PTPRM: variants seen among roughly 807,000 people sequenced by gnomAD.
PTPRM encodes protein tyrosine phosphatase receptor type M, also known as receptor-type tyrosine-protein phosphatase mu.
Under a neutral mutation model 186.7 loss-of-function variants are expected in PTPRM, and 47 were observed. That is an observed-to-expected ratio of 0.25 (90% CI 0.20 to 0.32). PTPRM has a LOEUF of 0.32. Ranked by LOEUF, PTPRM falls within the 10% of genes least tolerant of loss-of-function variation. The pLI is 1.00. For missense variants in PTPRM, 1,494 were observed against 1,865.0 expected (o/e 0.80, Z 3.66); for synonymous variants, 668 against 674.9 (o/e 0.99, Z 0.16).
At chr18:7,591,117 T>G (rs1391458377) in intron 1 of PTPRM, among the ~76,000 whole-genome samples, 1 of 152,242 alleles carries the variant, frequency 6.6e-6, no homozygotes, top group Non-Finnish European at 1.5e-5. Flanking sequence ...TTCTTTGCTT[T>G]CTATGTGTAA....
At chr18:7,718,174 G>C (rs1170023350) in intron 1 of PTPRM, among the ~76,000 whole-genome samples, 1 of 152,076 alleles carries the variant, frequency 6.6e-6, no homozygotes, top group Non-Finnish European at 1.5e-5. Context: ...TATACTACAA[G>C]TCTCTAGTTA....
chr18:8,049,175 G>T (rs1229248358), intron 7 of PTPRM, among the ~76,000 whole-genome samples: 1 of 152,208 alleles, frequency 6.6e-6, no homozygotes, highest in Non-Finnish European at 1.5e-5. Flanking sequence ...TCTATAGGAT[G>T]AATTGCAGCC....
intron 1 of PTPRM, among the ~76,000 whole-genome samples, chr18:7,756,832 A>G (rs2041516380): frequency 6.6e-6 from 1 of 151,802 alleles, no homozygotes; most frequent in Admixed American, 6.6e-5. Context: ...TAAAGGGGGG[A>G]CAACGTTTTT....
chr18:7,653,581 C>T (rs1410218434), intron 1 of PTPRM, among the ~76,000 whole-genome samples: 3 of 152,082 alleles, frequency 2.0e-5, no homozygotes, highest in Non-Finnish European at 4.4e-5. Flanking sequence ...ACTTGGTTTT[C>T]TGTTCCTGTG....
At chr18:7,976,490 T>A (rs1282539476) in intron 7 of PTPRM, among the ~76,000 whole-genome samples, 2 of 152,222 alleles carry the variant, frequency 1.3e-5, no homozygotes, top group African/African-American at 4.8e-5. Context: ...GTACGATGTG[T>A]TGATAATGTG....
At chr18:7,727,616 C>T (rs188000210) in intron 1 of PTPRM, among the ~76,000 whole-genome samples, 2 of 152,234 alleles carry the variant, frequency 1.3e-5, no homozygotes, top group African/African-American at 4.8e-5. Context: ...AGCTGTTTTG[C>T]AGACATAAAA....
At chr18:7,788,726 C>T (rs914265914) in intron 2 of PTPRM, among the ~76,000 whole-genome samples, 2 of 152,160 alleles carry the variant, frequency 1.3e-5, no homozygotes, top group Non-Finnish European at 2.9e-5. Flanking sequence ...ATCAATAGCC[C>T]AATTCTGTAA....
chr18:7,787,591 G>A (rs538606781), intron 2 of PTPRM, among the ~76,000 whole-genome samples: 2 of 152,306 alleles, frequency 1.3e-5, no homozygotes, highest in East Asian at 3.9e-4. Context: ...TAGCCCAGAT[G>A]CCTGAGTGAG....
At position 8,205,743 on chromosome 18, in the gene PTPRM, G is replaced by A. The variant is rs528022231; in HGVS notation, c.2301-38315G>A. 2.0e-5 allele frequency among the ~76,000 whole-genome samples: 3 copies of A among 152,120 alleles called. No individual in the cohort carries two copies. The South Asian group carries it at 6.2e-4, about 32-fold the overall frequency. ...TCATCTCAGGACATAGTGTCAGATT[G>A]TACTATGTAATATAAAATAATCTTA... is the stretch of plus-strand genomic sequence containing the variant. On this transcript the variant is annotated intron_variant, in intron 14 of 32. Coordinates refer to ENST00000580170, the MANE Select transcript of PTPRM (RefSeq NM_001105244.2).
chr18:8,323,166 A>G (rs2095356071), intron 22 of PTPRM, among the ~76,000 whole-genome samples: 1 of 152,168 alleles, frequency 6.6e-6, no homozygotes, highest in Non-Finnish European at 1.5e-5. Context: ...CTCAAGAGTC[A>G]GATAACTCAG....
intron 11 of PTPRM, among the ~76,000 whole-genome samples, chr18:8,102,292 G>T (rs1005557579): frequency 6.6e-6 from 1 of 152,150 alleles, no homozygotes; most frequent in Non-Finnish European, 1.5e-5. Context: ...AATGAAATTT[G>T]CCACATCAGT....
intron 1 of PTPRM, among the ~76,000 whole-genome samples, chr18:7,735,293 G>A (rs147239188): frequency 3.9e-5 from 6 of 152,154 alleles, no homozygotes; most frequent in African/African-American, 9.6e-5. Context: ...GGTGGGCGGC[G>A]CCTGTAATCC....
intron 14 of PTPRM, among the ~76,000 whole-genome samples, chr18:8,235,456 C>CTTTTTTTTTTTTT (rs58166609): frequency 3.9e-5 from 4 of 102,320 alleles, no homozygotes; most frequent in Non-Finnish European, 5.7e-5. Context: ...TCTGTGTCTT[C>CTTTTTTTTTTTTT]TTTTTTTTTT....
chr18:8,247,209 T>G (rs1159875031), intron 15 of PTPRM, among the ~76,000 whole-genome samples: 1 of 152,134 alleles, frequency 6.6e-6, no homozygotes, highest in Admixed American at 6.5e-5. Context: ...TTTAATGAAA[T>G]CAGATAAATT....
In PTPRM at chr18:7,833,933, A is replaced by G. The variant is rs140503256; in HGVS notation, c.197-54173A>G. 8.1e-4 allele frequency among the ~76,000 whole-genome samples: 123 copies of G among 152,190 alleles called. 1 individual carries two copies. In the Middle Eastern group the frequency reaches 0.01, roughly 13 times the overall value. On this transcript the variant is annotated intron_variant, in intron 2 of 32. Transcript: ENST00000580170. Reference sequence around the variant, plus strand: ...GGATAATTTGACTTCTTCCTTTCCAATTTGGATGTGCTTAATTTCAGTTCT... The same window carrying G: ...GGATAATTTGACTTCTTCCTTTCCAGTTTGGATGTGCTTAATTTCAGTTCT...
chr18:8,323,452 T>C (rs1424138470), intron 22 of PTPRM, among the ~76,000 whole-genome samples: 1 of 152,196 alleles, frequency 6.6e-6, no homozygotes, highest in Non-Finnish European at 1.5e-5. Flanking sequence ...AAATGTTCGA[T>C]GATAGTCATG....
intron 1 of PTPRM, among the ~76,000 whole-genome samples, chr18:7,574,972 C>T (rs995031863): frequency 2.0e-5 from 3 of 152,166 alleles, no homozygotes; most frequent in Non-Finnish European, 4.4e-5. Flanking sequence ...GCGGAGCTTG[C>T]AGTGAGCCGA....
intron 2 of PTPRM, among the ~76,000 whole-genome samples, chr18:7,792,364 A>C (rs1412173167): frequency 6.6e-6 from 1 of 152,118 alleles, no homozygotes; most frequent in Non-Finnish European, 1.5e-5. Flanking sequence ...CTTTCCACAG[A>C]GGAAAACCCC....
intron 7 of PTPRM, among the ~76,000 whole-genome samples, chr18:8,065,409 T>G (rs1253433671): frequency 6.6e-6 from 1 of 152,064 alleles, no homozygotes; most frequent in Admixed American, 6.5e-5. Flanking sequence ...AAGAACAGAA[T>G]GAAAAATGCT....
Sources: allele counts gnomAD v4.1 joint callset (sites outside exome capture counted in the v4.1 genomes callset), GRCh38; gene constraint gnomAD v4.1.1; transcripts MANE v1.5; gene names NCBI Gene and HGNC (gene_info 2026-07-23, HGNC 2026-07-21).